The following AGBL4 variants were observed in gnomAD, a reference collection of about 807,000 sequenced individuals.
AGBL4 encodes AGBL carboxypeptidase 4.
A neutral mutation model predicts 66.4 loss-of-function variants in AGBL4; 58 were observed. The ratio of observed to expected loss-of-function variants is 0.87; its 90% confidence interval spans 0.71 to 1.09. The LOEUF is 1.09. Ranked by LOEUF, AGBL4 falls within the 50% of genes least tolerant of loss-of-function variation. The pLI is 0.00. For missense variants in AGBL4, 579 were observed against 631.0 expected, an observed-to-expected ratio of 0.92 and a Z score of 0.88; for synonymous variants, 234 against 222.9, an observed-to-expected ratio of 1.05 and a Z score of -0.44.
chr1:48,823,794 T>C (rs907156230), intron 6 of AGBL4, among the ~76,000 whole-genome samples: 1 of 152,240 alleles, frequency 6.6e-6, no homozygotes. Flanking sequence ...GTGTAATGCA[T>C]GGATGAATAA....
At chr1:49,515,973 G>A (rs1649775838) in intron 3 of AGBL4, among the ~76,000 whole-genome samples, 3 of 151,160 alleles carry the variant, frequency 2.0e-5, no homozygotes, top group Admixed American at 2.0e-4. Flanking sequence ...CACCAACATG[G>A]CACATGTATA....
At chr1:49,914,177 C>A (rs943566324) in intron 1 of AGBL4, among the ~76,000 whole-genome samples, 3 of 152,168 alleles carry the variant, frequency 2.0e-5, no homozygotes, top group African/African-American at 7.2e-5. Flanking sequence ...AATCTGCTTC[C>A]CTTTTGATTA....
intron 3 of AGBL4, among the ~76,000 whole-genome samples, chr1:49,434,475 G>A (rs962334799): frequency 2.0e-5 from 3 of 152,128 alleles, no homozygotes; most frequent in African/African-American, 7.2e-5. Context: ...GTAAAGCAAA[G>A]AACCACCTCT....
chr1:49,740,632 T>G (rs948037230), intron 2 of AGBL4, among the ~76,000 whole-genome samples: 1 of 152,114 alleles, frequency 6.6e-6, no homozygotes, highest in Non-Finnish European at 1.5e-5. Context: ...TATTCCAAAA[T>G]TGACCATATA....
chr1:48,888,746 C>A (rs1336544270), intron 5 of AGBL4, among the ~76,000 whole-genome samples: 1 of 152,166 alleles, frequency 6.6e-6, no homozygotes, highest in Non-Finnish European at 1.5e-5. Flanking sequence ...CAGTATGCTT[C>A]TGCATTTTGG....
intron 5 of AGBL4, among the ~76,000 whole-genome samples, chr1:48,912,896 C>T (rs1254244931): frequency 6.6e-6 from 1 of 151,888 alleles, no homozygotes; most frequent in Non-Finnish European, 1.5e-5. Context: ...TAAACTCAGA[C>T]CATAAGAGTC....
chr1:48,578,064 G>C (rs915217989), intron 11 of AGBL4, among the ~76,000 whole-genome samples: 13 of 152,030 alleles, frequency 8.6e-5, no homozygotes, highest in African/African-American at 3.1e-4. Context: ...CTTGTGAAAT[G>C]GAGATACTAT....
chr1:48,711,587 C>T (rs1393812851), intron 6 of AGBL4, among the ~76,000 whole-genome samples: 1 of 152,136 alleles, frequency 6.6e-6, no homozygotes, highest in Non-Finnish European at 1.5e-5. Flanking sequence ...GCAATTGCTG[C>T]TCACCCCCGG....
At chr1:48,910,648 C>CT (rs895072817) in intron 5 of AGBL4, among the ~76,000 whole-genome samples, 5 of 144,856 alleles carry the variant, frequency 3.5e-5, no homozygotes, top group Admixed American at 6.8e-5. Flanking sequence ...TTCTGACAGG[C>CT]TTTTTTTTCT....
chr1:49,689,773 G>T (rs1009078651), intron 3 of AGBL4, among the ~76,000 whole-genome samples: 2 of 151,850 alleles, frequency 1.3e-5, no homozygotes, highest in Non-Finnish European at 2.9e-5. Flanking sequence ...TTCCATAAAC[G>T]AGAGCTTTCA....
At chr1:48,944,898 C>T (rs1656330715) in intron 5 of AGBL4, among the ~76,000 whole-genome samples, 1 of 152,170 alleles carries the variant, frequency 6.6e-6, no homozygotes, top group Admixed American at 6.5e-5. Context: ...ATTACAGAAT[C>T]TAACTCCACC....
chr1:49,021,028 T>G (rs1218772600), intron 5 of AGBL4, among the ~76,000 whole-genome samples: 3 of 152,218 alleles, frequency 2.0e-5, no homozygotes, highest in Non-Finnish European at 4.4e-5. Flanking sequence ...AATATTGCAC[T>G]GCCCTAGAGG....
In AGBL4 at chr1:49,991,128, T is replaced by A. The variant is rs373547607; in HGVS notation, c.34+32635A>T. 8.5e-5 allele frequency among the ~76,000 whole-genome samples: 13 copies of A among 152,294 alleles called. No individual in the cohort carries two copies. In the East Asian group the frequency reaches 1.4e-3, roughly 16 times the overall value. On this transcript the variant is annotated intron_variant, in intron 1 of 13. Transcript: ENST00000371839. ...AGCCAAACAGGGAGATTTAGTAAAC[T>A]ATGTAGCTCCAGACTATTATATGAC...
At chr1:48,968,973 T>C (rs1340606991) in intron 5 of AGBL4, among the ~76,000 whole-genome samples, 3 of 152,118 alleles carry the variant, frequency 2.0e-5, no homozygotes, top group African/African-American at 7.2e-5. Flanking sequence ...CTTTGCAATT[T>C]AAAAAGCTAA....
chr1:48,661,060 T>C (rs530336313), intron 7 of AGBL4, among the ~76,000 whole-genome samples: 6 of 152,256 alleles, frequency 3.9e-5, no homozygotes, highest in African/African-American at 1.4e-4. Flanking sequence ...ATTTGACAGA[T>C]GTGGAAAATG....
chr1:49,896,980 T>C (rs1325046696), intron 1 of AGBL4, among the ~76,000 whole-genome samples: 1 of 151,840 alleles, frequency 6.6e-6, no homozygotes, highest in African/African-American at 2.4e-5. Flanking sequence ...AAAATCCACA[T>C]ACAACAGACC....
chr1:48,530,394 T>G (rs959545298), downstream of AGBL4, among the ~76,000 whole-genome samples: 1 of 152,202 alleles, frequency 6.6e-6, no homozygotes, highest in Non-Finnish European at 1.5e-5. Context: ...TTAATCAGCT[T>G]ACACTTCCAT....
intron 6 of AGBL4, among the ~76,000 whole-genome samples, chr1:48,827,136 G>C (rs1161161518): frequency 6.6e-6 from 1 of 152,152 alleles, no homozygotes; most frequent in African/African-American, 2.4e-5. Flanking sequence ...TATTGCCTCA[G>C]TATGCTATTA....
At chr1:48,629,188 T>C (rs1437929129) in intron 9 of AGBL4, among the ~76,000 whole-genome samples, 1 of 152,128 alleles carries the variant, frequency 6.6e-6, no homozygotes, top group Non-Finnish European at 1.5e-5. Flanking sequence ...CCCATTCACA[T>C]ATGGGCTTAG....
Sources: gnomAD v4.1 joint callset for allele counts (sites outside exome capture counted in the v4.1 genomes callset) on GRCh38, gnomAD v4.1.1 for gene constraint, MANE v1.5 for transcripts, NCBI Gene and HGNC (gene_info 2026-07-23, HGNC 2026-07-21) for gene names.